Variants in AR observed in about 807,000 individuals in gnomAD.
The protein encoded by AR is dihydrotestosterone receptor.
AR carries 8 observed loss-of-function variants against 53.9 expected under a neutral mutation model. That is an observed-to-expected ratio of 0.15 (90% confidence interval 0.09 to 0.27). The LOEUF is 0.27. Among genes scored for constraint, AR ranks in the 10% least tolerant of loss-of-function variants. AR has a pLI of 1.00. For synonymous variants in AR, 359 were observed against 316.4 expected (o/e 1.13, Z -1.43); for missense variants, 639 against 742.5 (o/e 0.86, Z 1.62).
At chrX:67,698,169 C>A (rs1367092731) in intron 3 of AR, among the ~76,000 whole-genome samples, 1 of 112,062 alleles carries the variant, frequency 8.9e-6, no homozygotes, top group East Asian at 2.8e-4. Context: ...TGTAAGGAAA[C>A]TAAAAGCAAA....
At chrX:67,580,192 G>A (rs1302799178) in intron 1 of AR, among the ~76,000 whole-genome samples, 2 of 109,698 alleles carry the variant, frequency 1.8e-5, no homozygotes, top group African/African-American at 6.6e-5. Context: ...ATCTCCAGGG[G>A]GAATTTACTG....
chrX:67,596,733 C>T (rs1291448245), intron 1 of AR, among the ~76,000 whole-genome samples: 1 of 111,853 alleles, frequency 8.9e-6, no homozygotes, highest in African/African-American at 3.3e-5. Context: ...CATGTCATTT[C>T]TCTAGAGAAA....
At chrX:67,638,539 C>G (rs1179773742) in intron 1 of AR, among the ~76,000 whole-genome samples, 1 of 111,861 alleles carries the variant, frequency 8.9e-6, no homozygotes, top group East Asian at 2.8e-4. Context: ...GATGGTATTT[C>G]ATTGTGGTTT....
intron 3 of AR, among the ~76,000 whole-genome samples, chrX:67,688,426 A>T (rs1323742124): frequency 8.9e-6 from 1 of 111,906 alleles, no homozygotes; most frequent in East Asian, 2.8e-4. Context: ...CTTGATAAAT[A>T]GCAAAATGCT....
chrX:67,712,011 C>A (rs1019986918), intron 4 of AR, among the ~76,000 whole-genome samples: 1 of 112,138 alleles, frequency 8.9e-6, no homozygotes, highest in African/African-American at 3.2e-5. Context: ...CCATATATGC[C>A]TTAGGATGCT....
intron 1 of AR, among the ~76,000 whole-genome samples, chrX:67,551,699 G>A (rs1009911230): frequency 1.8e-5 from 2 of 111,810 alleles, no homozygotes; most frequent in Non-Finnish European, 3.8e-5. Flanking sequence ...TGTTTACCAC[G>A]TAGGGGAACC....
chrX:67,618,160 G>GAA (rs1373734837), intron 1 of AR, among the ~76,000 whole-genome samples: 4 of 111,277 alleles, frequency 3.6e-5, no homozygotes, highest in Non-Finnish European at 7.5e-5. Flanking sequence ...TAAGGTAAGA[G>GAA]TATAGCAAGT....
intron 7 of AR, 79 bp downstream of exon 7, chrX:67,723,063 G>T: frequency 8.9e-7 from 1 of 1,122,518 alleles, no homozygotes; most frequent in Middle Eastern, 2.5e-4. Context: ...CTAGAGTCTG[G>T]CACCACCTGT....
At chrX:67,699,039 G>A (rs539102891) in intron 3 of AR, among the ~76,000 whole-genome samples, 2 of 112,100 alleles carry the variant, frequency 1.8e-5, no homozygotes, top group African/African-American at 6.5e-5. Context: ...ACGGAGCCGG[G>A]ATTTGAACGC....
chrX:67,719,715 C>A (rs1252597920), intron 5 of AR, among the ~76,000 whole-genome samples: 1 of 112,273 alleles, frequency 8.9e-6, no homozygotes, highest in Non-Finnish European at 1.9e-5. Context: ...CCAGCCTACT[C>A]TATACCAAAT....
intron 1 of AR, among the ~76,000 whole-genome samples, chrX:67,596,003 A>T (rs1455113905): frequency 9.1e-6 from 1 of 110,355 alleles, no homozygotes; most frequent in African/African-American, 3.3e-5. Flanking sequence ...CAGTTTTTTC[A>T]TGAATGGCTC....
chrX:67,547,970 A>G (rs1254592213), intron 1 of AR, among the ~76,000 whole-genome samples: 1 of 112,115 alleles, frequency 8.9e-6, no homozygotes, highest in African/African-American at 3.3e-5. Flanking sequence ...GCAAATTAAG[A>G]TATTAGTTTA....
At chrX:67,709,237 G>T (rs755603430) in intron 3 of AR, among the ~76,000 whole-genome samples, 2 of 112,326 alleles carry the variant, frequency 1.8e-5, no homozygotes, top group African/African-American at 3.2e-5. Flanking sequence ...TGCCCCCAGA[G>T]GTGGAGTCTA....
At chrX:67,674,144 C>T (rs2075884183) in intron 2 of AR, among the ~76,000 whole-genome samples, 1 of 109,630 alleles carries the variant, frequency 9.1e-6, no homozygotes, top group Non-Finnish European at 1.9e-5. Context: ...TCTCACTTTC[C>T]CCCAAACAAA....
At chrX:67,631,864 A>G (rs903592515) in intron 1 of AR, among the ~76,000 whole-genome samples, 2 of 111,906 alleles carry the variant, frequency 1.8e-5, no homozygotes, top group African/African-American at 6.5e-5. Flanking sequence ...AAGAGACAGG[A>G]CCCTCAGCTG....
chrX:67,624,684 G>A (rs1924534697), intron 1 of AR, among the ~76,000 whole-genome samples: 1 of 109,553 alleles, frequency 9.1e-6, no homozygotes, highest in Non-Finnish European at 1.9e-5. Flanking sequence ...TGACCAAGTA[G>A]GATTTATCTC....
At chrX:67,615,032 G>GATT (rs1763820543) in intron 1 of AR, among the ~76,000 whole-genome samples, 1 of 110,184 alleles carries the variant, frequency 9.1e-6, no homozygotes, top group Non-Finnish European at 1.9e-5. Flanking sequence ...GATCAATATA[G>GATT]ATTATTCATT....
At chrX:67,608,084 C>G (rs1923712725) in intron 1 of AR, among the ~76,000 whole-genome samples, 1 of 112,201 alleles carries the variant, frequency 8.9e-6, no homozygotes. Flanking sequence ...GGCCAAAAAT[C>G]AACATGAAAC....
intron 1 of AR, among the ~76,000 whole-genome samples, chrX:67,630,687 T>A (rs1434531280): frequency 1.8e-5 from 2 of 110,563 alleles, no homozygotes; most frequent in African/African-American, 6.6e-5. Context: ...TCATTATGAT[T>A]TTAGCTGGTT....
Sources: allele counts gnomAD v4.1 joint callset (sites outside exome capture counted in the v4.1 genomes callset), GRCh38; gene constraint gnomAD v4.1.1; transcripts MANE v1.5; gene names NCBI Gene and HGNC (gene_info 2026-07-23, HGNC 2026-07-21).